The following BACH1 variants were observed in gnomAD, a reference collection of about 807,000 sequenced individuals.
BACH1 encodes the protein transcription regulator protein BACH1.
In BACH1, 35 loss-of-function variants were observed where a neutral mutation model predicts 52.9. That is an observed-to-expected ratio of 0.66 (90% CI 0.51 to 0.88). The LOEUF (loss-of-function observed/expected upper bound fraction) is 0.88, where lower values mean the gene tolerates loss of function less well. BACH1 is among the 40% of genes least tolerant of loss of function. The pLI, the probability that BACH1 is intolerant of heterozygous loss-of-function variation, is 0.00. For missense variants in BACH1, 808 were observed against 872.6 expected (o/e 0.93, Z 0.93); for synonymous variants, 321 against 319.6 (o/e 1.00, Z -0.05).
chr21:29,315,615 T>C (rs1439091414), intron 1 of BACH1, among the ~76,000 whole-genome samples: 1 of 152,196 alleles, frequency 6.6e-6, no homozygotes, highest in East Asian at 1.9e-4. Context: ...GGCCACCACT[T>C]GTGGCCAACC....
intron 1 of BACH1, among the ~76,000 whole-genome samples, chr21:29,317,563 C>A (rs114411578): frequency 6.6e-6 from 1 of 152,020 alleles, no homozygotes; most frequent in Non-Finnish European, 1.5e-5. Flanking sequence ...GAAAGGGGGG[C>A]AATGGCTTGA....
chr21:29,301,038 G>A (rs1042995639), intron 1 of BACH1, among the ~76,000 whole-genome samples: 3 of 152,158 alleles, frequency 2.0e-5, no homozygotes, highest in Non-Finnish European at 4.4e-5. Context: ...ACAAAGTTTA[G>A]GAATGGGAAA....
intron 1 of BACH1, among the ~76,000 whole-genome samples, chr21:29,317,508 C>T (rs1200292000): frequency 6.6e-6 from 1 of 152,068 alleles, no homozygotes. Flanking sequence ...GAGCTTGGGG[C>T]CTGTGGAGCA....
chr21:29,321,645 C>CTTTTTTTTTTTT (rs377229311), intron 2 of BACH1, 131 bp downstream of exon 2: 1 of 451,540 alleles, frequency 2.2e-6, no homozygotes. Context: ...TGTGCAACCC[C>CTTTTTTTTTTTT]TTTTTTTTTT....
intron 1 of BACH1, among the ~76,000 whole-genome samples, chr21:29,320,436 GTGTA>G (rs1305182108): frequency 1.3e-5 from 2 of 152,130 alleles, no homozygotes; most frequent in Admixed American, 6.5e-5. Flanking sequence ...TGGCAGTAGT[GTGTA>G]TGTGATCAAA....
chr21:29,311,509 TA>T (rs2088722041), intron 1 of BACH1, among the ~76,000 whole-genome samples: 1 of 152,162 alleles, frequency 6.6e-6, no homozygotes. Context: ...GTGCAATGTT[TA>T]CTGGTTTCTG....
Position 29,342,798 on chromosome 21 carries a change from C to T in BACH1, c.2176C>T (p.Gln726Ter). ...RQSGGISDFC[Q>*]QMTDKCTTDE The stretch of plus-strand genomic sequence containing the variant: ...GAGTGGTGGGATCTCAGATTTCTGT[C>T]AGCAGATGACTGATAAATGTACTAC... Residue 726 changes from glutamine to a stop codon, truncating the protein, a stop_gained, in exon 5 of 5, where the codon CAG becomes TAG. Coordinates refer to ENST00000286800, the MANE Select transcript of BACH1 (RefSeq NM_001186.4). LOFTEE classifies it high-confidence loss of function. 1 of 1,608,040 alleles carries T rather than the reference C, an allele frequency of 6.2e-7. No individual in the cohort carries two copies. The highest frequency in any genetic ancestry group is 8.5e-7 in the Non-Finnish European group (1 of 1,175,290).
At chr21:29,347,607 G>A (rs2089177174), downstream of BACH1, among the ~76,000 whole-genome samples, 2 of 152,184 alleles carry the variant, frequency 1.3e-5, no homozygotes, top group South Asian at 2.1e-4. Context: ...CCTGGAGGAG[G>A]AGAGCATCTG....
chr21:29,354,695 T>C (rs570760852), intron 2 of BACH1, among the ~76,000 whole-genome samples: 17 of 152,222 alleles, frequency 1.1e-4, no homozygotes, highest in African/African-American at 4.1e-4. Flanking sequence ...TGGAACCAGG[T>C]GTTAAATTCA....
At chr21:29,351,184 A>T (rs1014417173) in intron 2 of BACH1, among the ~76,000 whole-genome samples, 1 of 152,218 alleles carries the variant, frequency 6.6e-6, no homozygotes, top group Non-Finnish European at 1.5e-5. Context: ...CTAAACAGTT[A>T]ATTTCCTTCT....
rs10595449 is a variant in BACH1 at position 29,344,634 on chromosome 21, T to TTG, written c.*1835_*1836dup. On this transcript the variant is annotated 3_prime_UTR_variant, in exon 5 of 5. Coordinates refer to ENST00000286800, the MANE Select transcript of BACH1 (RefSeq NM_001186.4). The stretch of plus-strand genomic sequence containing the variant: ...AGTGCATCCCATACTGCAAAAGAAT[T>TTG]TGTGTGTGTGTGTGTGTGTGTGTGT... The TTG allele has an allele frequency of 0.019, 2,878 of 149,280 alleles. 32 individuals are homozygous for TTG. The highest frequency in any genetic ancestry group is 0.027 in the Non-Finnish European group (1,825 of 66,978). The allele number at this position is 149,280 out of a possible 1,614,324, so 9.2% of individuals were successfully genotyped here.
At position 29,326,717 on chromosome 21, in the gene BACH1, A is replaced by G; in HGVS notation, c.893A>G (p.Gln298Arg). 6.2e-7 allele frequency: 1 copy of G among 1,614,180 alleles called. No individual in the cohort carries two copies. The highest frequency in any genetic ancestry group is 2.2e-5 in the East Asian group (1 of 44,894). The change falls in exon 3 of 5, where the codon CAG (glutamine) becomes CGG (arginine). Residue 298 changes from glutamine (Q) to arginine (R), a missense_variant. By Grantham distance (43) the Gln-to-Arg change is conservative. Transcript: ENST00000286800. ...GAAACGAAGAAAGATCCTGCTTCTC[A>G]GTGCCCAACTGAAAAATCAGAAGTG... ...PEETKKDPAS[Q>R]CPTEKSEVTP...
Position 29,343,037 on chromosome 21 carries a change from G to A in BACH1, c.*204G>A, listed in dbSNP as rs925073542. 2 of 484,872 alleles carry A rather than the reference G, an allele frequency of 4.1e-6. No homozygotes were observed. The highest frequency in any genetic ancestry group is 3.4e-5 in the East Asian group (1 of 29,722). The allele number at this position is 484,872 out of a possible 1,614,324, so 30.0% of individuals were successfully genotyped here. On this transcript the variant is annotated 3_prime_UTR_variant, in exon 5 of 5. Coordinates refer to ENST00000286800, the MANE Select transcript of BACH1 (RefSeq NM_001186.4). ...AAATGATTTTGCCTCCTGGATATCA[G>A]AAAAATCCATGTGAAAATGTAGTAA... is the stretch of plus-strand genomic sequence containing the variant.
At chr21:29,338,703 C>T (rs374592690) in intron 4 of BACH1, among the ~76,000 whole-genome samples, 6 of 152,084 alleles carry the variant, frequency 3.9e-5, no homozygotes, top group South Asian at 2.1e-4. Flanking sequence ...GAATGTAAAA[C>T]GTTTATATGG....
At chr21:29,351,505 T>G in intron 2 of BACH1, 1 of 421,484 alleles carries the variant, frequency 2.4e-6, no homozygotes, top group Non-Finnish European at 4.9e-6. Context: ...ACCTTAAGAA[T>G]AAGATTTTCT....
At chr21:29,351,177 AAC>A (rs1205033572) in intron 2 of BACH1, among the ~76,000 whole-genome samples, 1 of 152,188 alleles carries the variant, frequency 6.6e-6, no homozygotes, top group Admixed American at 6.5e-5. Flanking sequence ...CTGTTTTCTA[AAC>A]AGTTAATTTC....
intron 1 of BACH1, among the ~76,000 whole-genome samples, chr21:29,306,730 G>A (rs796604620): frequency 5.3e-5 from 8 of 152,288 alleles, no homozygotes; most frequent in African/African-American, 1.7e-4. Flanking sequence ...AACTTCGGAG[G>A]AGAAAAAGAA....
intron 4 of BACH1, among the ~76,000 whole-genome samples, chr21:29,341,284 A>T (rs894035703): frequency 3.9e-5 from 6 of 152,244 alleles, no homozygotes; most frequent in Admixed American, 2.0e-4. Flanking sequence ...GTTAACTGGC[A>T]GCCTCAACTC....
At chr21:29,305,447 C>T (rs1392739939) in intron 1 of BACH1, 1 of 152,090 alleles carries the variant, frequency 6.6e-6, no homozygotes. Flanking sequence ...CTGAGGGCCT[C>T]CTGTCTTTGG....
Sources: gnomAD v4.1 joint callset for allele counts (sites outside exome capture counted in the v4.1 genomes callset) on GRCh38, gnomAD v4.1.1 for gene constraint, MANE v1.5 for transcripts, NCBI Gene and HGNC (gene_info 2026-07-23, HGNC 2026-07-21) for gene names.